TMEM260: variants seen among roughly 807,000 people sequenced by gnomAD.
The protein encoded by TMEM260 is protein O-mannosyl-transferase TMEM260.
TMEM260 carries 82 observed loss-of-function variants against 88.9 expected under a neutral mutation model. That is an observed-to-expected ratio of 0.92 (90% CI 0.77 to 1.11). The LOEUF (loss-of-function observed/expected upper bound fraction) is 1.11. Among genes scored for constraint, TMEM260 ranks in the 50% least tolerant of loss-of-function variants. The probability of loss-of-function intolerance (pLI) is 0.00; values close to 1 mark genes in which losing one functional copy is unlikely to be tolerated. For missense variants in TMEM260, 902 were observed against 853.4 expected (o/e 1.06, Z -0.71); for synonymous variants, 314 against 309.3 (o/e 1.02, Z -0.16).
Position 56,579,899 on chromosome 14 carries a change from C to T in TMEM260, c.-16C>T. The T allele has an allele frequency of 1.6e-6, 2 of 1,232,604 alleles. No individual in the cohort carries two copies. Among genetic ancestry groups the T allele is most frequent in the Non-Finnish European group, 2.0e-6 (2 of 987,736 alleles). The allele number at this position is 1,232,604 out of a possible 1,614,324, so 76.4% of individuals were successfully genotyped here. A position where few individuals can be genotyped will look rare whatever the true frequency, so the allele number is the denominator to read the frequency against. On this transcript the variant is annotated 5_prime_UTR_variant, in exon 1 of 16. Coordinates refer to ENST00000261556, the MANE Select transcript of TMEM260 (RefSeq NM_017799.4). ...TTGGGCTGGCCGTGTCCTTCTCCCT[C>T]GGTCGCCACTGGCCCATGAGTCCCC... is the stretch of plus-strand genomic sequence containing the variant.
intron 5 of TMEM260, among the ~76,000 whole-genome samples, chr14:56,607,000 T>C (rs10483674): frequency 6.6e-6 from 1 of 152,324 alleles, no homozygotes; most frequent in East Asian, 1.9e-4. Flanking sequence ...ATCACGTAAG[T>C]CCTTATGTAA....
chr14:56,582,634 AGATTAT>A (rs762336959), intron 1 of TMEM260, among the ~76,000 whole-genome samples: 31 of 152,206 alleles, frequency 2.0e-4, no homozygotes, highest in Non-Finnish European at 2.9e-4. Context: ...GGGTCTTAGT[AGATTAT>A]GGAATTTGGA....
intron 6 of TMEM260, among the ~76,000 whole-genome samples, chr14:56,610,046 A>C (rs577005379): frequency 6.6e-6 from 1 of 152,282 alleles, no homozygotes; most frequent in African/African-American, 2.4e-5. Flanking sequence ...GAAACTAAAC[A>C]ATCTATTGTT....
At chr14:56,584,647 T>G (rs1184678618) in intron 1 of TMEM260, among the ~76,000 whole-genome samples, 1 of 152,112 alleles carries the variant, frequency 6.6e-6, no homozygotes, top group Non-Finnish European at 1.5e-5. Context: ...CTTTATAGAC[T>G]TTCGTGCTAA....
intron 15 of TMEM260, 146 bp from the exon 16 acceptor site, chr14:56,647,097 C>T: frequency 1.2e-6 from 1 of 851,888 alleles, no homozygotes; most frequent in Non-Finnish European, 1.8e-6. Flanking sequence ...CTTGGGTTCT[C>T]TGCATGGCTT....
chr14:56,637,927 G>C (rs1300540938), intron 15 of TMEM260, among the ~76,000 whole-genome samples: 1 of 152,038 alleles, frequency 6.6e-6, no homozygotes, highest in Non-Finnish European at 1.5e-5. Context: ...TCAGTCTTGT[G>C]AGTGCTGTGA....
downstream of TMEM260, among the ~76,000 whole-genome samples, chr14:56,654,068 CTA>C (rs1332494479): frequency 2.0e-5 from 3 of 152,186 alleles, no homozygotes; most frequent in African/African-American, 7.2e-5. Flanking sequence ...GTGAAATCAA[CTA>C]TGTTGCAGGA....
At chr14:56,631,239 C>T (rs1303291240) in intron 12 of TMEM260, among the ~76,000 whole-genome samples, 1 of 152,338 alleles carries the variant, frequency 6.6e-6, no homozygotes, top group East Asian at 1.9e-4. Flanking sequence ...TGGCATACTT[C>T]TAGGGTCTTG....
At chr14:56,662,631 T>C in the TMEM260 span, among the ~76,000 whole-genome samples, 14 of 152,202 alleles carry the variant, frequency 9.2e-5, no homozygotes, top group African/African-American at 3.4e-4. Flanking sequence ...AGCTACTGAT[T>C]AGACACAGGG....
chr14:56,638,844 G>A (rs764323900), intron 15 of TMEM260, among the ~76,000 whole-genome samples: 15 of 152,080 alleles, frequency 9.9e-5, no homozygotes, highest in Admixed American at 2.0e-4. Context: ...TAATTTGAAG[G>A]TGTCCCCAAC....
chr14:56,607,980 T>A (rs1887019253), intron 5 of TMEM260, among the ~76,000 whole-genome samples: 2 of 152,216 alleles, frequency 1.3e-5, no homozygotes, highest in Admixed American at 1.3e-4. Context: ...ATGCAGAAAC[T>A]GTGCAAAAAT....
In TMEM260 at chr14:56,608,940, C is replaced by T. The variant is rs943003335; in HGVS notation, c.637-166C>T. On this transcript the variant is annotated intron_variant, in intron 5 of 15. Coordinates refer to ENST00000261556, the MANE Select transcript of TMEM260 (RefSeq NM_017799.4). ...AGGCTGATGCAATTTTCTAGTAATC[C>T]GTAGTAATCAGAAGGTTTAACATAG... 5.9e-5 allele frequency among the ~76,000 whole-genome samples: 9 copies of T among 152,106 alleles called. No homozygotes were observed. In the East Asian group the frequency reaches 1.2e-3, roughly 20 times the overall value.
intron 2 of TMEM260, 63 bp downstream of exon 2, chr14:56,585,095 T>G (rs1480476222): frequency 5.0e-5 from 73 of 1,470,144 alleles, no homozygotes; most frequent in Non-Finnish European, 3.8e-6. Context: ...TTAAGAAAGT[T>G]TAATTAAGCA....
intron 3 of TMEM260, among the ~76,000 whole-genome samples, chr14:56,593,836 C>T (rs546546932): frequency 9.6e-4 from 145 of 150,468 alleles, no homozygotes; most frequent in African/African-American, 3.4e-3. Flanking sequence ...TACAGGCGCC[C>T]GCCACCGCGC....
At chr14:56,625,796 A>G (rs1353303057) in intron 12 of TMEM260, among the ~76,000 whole-genome samples, 1 of 152,246 alleles carries the variant, frequency 6.6e-6, no homozygotes, top group Admixed American at 6.5e-5. Flanking sequence ...GAAATTGGAG[A>G]TGTGCCTGCC....
At chr14:56,594,240 G>GTTAAAATAGAAAATAGT (rs758099446) in intron 3 of TMEM260, among the ~76,000 whole-genome samples, 492 of 152,288 alleles carry the variant, frequency 3.2e-3, no homozygotes, top group Admixed American at 5.5e-3. Context: ...GTGTTCTCAA[G>GTTAAAATAGAAAATAGT]TTAAAATAGA....
chr14:56,588,780 A>G (rs74052017), intron 3 of TMEM260, among the ~76,000 whole-genome samples: 1,594 of 152,096 alleles, frequency 0.01, 36 homozygotes, highest in African/African-American at 0.037. Flanking sequence ...AATCTAGTAC[A>G]TTTCATTTAT....
chr14:56,659,838 T>G, the TMEM260 span, among the ~76,000 whole-genome samples: 1 of 152,182 alleles, frequency 6.6e-6, no homozygotes, highest in Non-Finnish European at 1.5e-5. Context: ...TAATTATTCT[T>G]AGAAGATGTG....
At chr14:56,637,386 C>A (rs948755303) in intron 15 of TMEM260, among the ~76,000 whole-genome samples, 1 of 152,098 alleles carries the variant, frequency 6.6e-6, no homozygotes, top group Non-Finnish European at 1.5e-5. Context: ...TAACTGTGGC[C>A]CCAGGAAGCC....
Sources: gnomAD v4.1 joint callset for allele counts (sites outside exome capture counted in the v4.1 genomes callset) on GRCh38, gnomAD v4.1.1 for gene constraint, MANE v1.5 for transcripts, NCBI Gene and HGNC (gene_info 2026-07-23, HGNC 2026-07-21) for gene names.